EPHA3: variants seen among roughly 807,000 people sequenced by gnomAD.
EPHA3 encodes the protein ephrin type-A receptor 3.
EPHA3 carries 42 observed loss-of-function variants against 107.1 expected under a neutral mutation model. The observed-to-expected ratio is 0.39, with a 90% CI of 0.31 to 0.51. The LOEUF is 0.51. EPHA3 is among the 20% of genes least tolerant of loss of function. The pLI, the probability that EPHA3 is intolerant of heterozygous loss-of-function variation, is 0.78. For synonymous variants in EPHA3, 461 were observed against 424.8 expected, an observed-to-expected ratio of 1.09 and a Z score of -1.05; for missense variants, 1,183 against 1,211.2, an observed-to-expected ratio of 0.98 and a Z score of 0.35.
Position 89,406,287 on chromosome 3 carries a change from T to C in EPHA3, c.1595-982T>C, listed in dbSNP as rs148994574. On this transcript the variant is annotated intron_variant, in intron 7 of 16. Coordinates refer to ENST00000336596, the MANE Select transcript of EPHA3 (RefSeq NM_005233.6). ...ACTGCCTGTGTGTTCATAAGAAATA[T>C]ACAATCTCATTCCCCACTCCGGAAT... Among the ~76,000 whole-genome samples the C allele has an allele frequency of 6.6e-5, 10 of 152,146 alleles. No individual in the cohort carries two copies. In the East Asian group the frequency reaches 1.7e-3, roughly 27 times the overall value.
intron 3 of EPHA3, among the ~76,000 whole-genome samples, chr3:89,269,035 C>T (rs1444214121): frequency 6.6e-6 from 1 of 152,024 alleles, no homozygotes; most frequent in Non-Finnish European, 1.5e-5. Flanking sequence ...TATGGCATTA[C>T]TACTTTTACT....
intron 3 of EPHA3, among the ~76,000 whole-genome samples, chr3:89,319,834 G>A (rs1319836021): frequency 6.6e-6 from 1 of 151,870 alleles, no homozygotes; most frequent in African/African-American, 2.4e-5. Context: ...AGAGGCTCAT[G>A]GTGTAACAGC....
intron 5 of EPHA3, among the ~76,000 whole-genome samples, chr3:89,377,134 TC>T (rs1369155289): frequency 3.3e-5 from 5 of 152,096 alleles, no homozygotes; most frequent in Admixed American, 3.3e-4. Context: ...GATTGTTTTT[TC>T]TTATCTGATT....
At chr3:89,182,342 A>G (rs1189145940) in intron 2 of EPHA3, among the ~76,000 whole-genome samples, 1 of 151,948 alleles carries the variant, frequency 6.6e-6, no homozygotes, top group Non-Finnish European at 1.5e-5. Flanking sequence ...TACAGTACAG[A>G]AAATATGGCT....
intron 3 of EPHA3, among the ~76,000 whole-genome samples, chr3:89,335,416 T>G (rs9817553): frequency 0.47 from 71,779 of 151,998 alleles, 17,337 homozygotes; most frequent in African/African-American, 0.55. Flanking sequence ...CAACATATTG[T>G]TCATTAGATT....
chr3:89,431,316 C>T lies in EPHA3; in HGVS notation c.2303C>T (p.Ser768Leu), dbSNP rs1446890859. The T allele has an allele frequency of 2.5e-6, 4 of 1,613,564 alleles. No individual in the cohort carries two copies. The highest frequency in any genetic ancestry group is 1.7e-4 in the Middle Eastern group (1 of 6,054). ...LVCKVSDFGL[S>L]RVLEDDPEAA... Reference sequence around the variant, plus strand: ...TGTAAGGTTTCTGATTTCGGACTTTCGCGTGTCCTGGAGGATGACCCAGAA... The same window carrying T: ...TGTAAGGTTTCTGATTTCGGACTTTTGCGTGTCCTGGAGGATGACCCAGAA... The change falls in exon 13 of 17, where the codon TCG (serine) becomes TTG (leucine). Residue 768 changes from serine (S) to leucine (L), a missense_variant. Ser to Leu is a moderately radical substitution (Grantham distance 145, BLOSUM62 -2). Transcript: ENST00000336596.
At chr3:89,246,639 A>G (rs185874797) in intron 3 of EPHA3, among the ~76,000 whole-genome samples, 1 of 152,288 alleles carries the variant, frequency 6.6e-6, no homozygotes, top group Admixed American at 6.5e-5. Context: ...GAATATATCG[A>G]ATATCAATTG....
intron 3 of EPHA3, among the ~76,000 whole-genome samples, chr3:89,252,431 C>A (rs532244264): frequency 6.6e-6 from 1 of 152,256 alleles, no homozygotes; most frequent in South Asian, 2.1e-4. Flanking sequence ...CTAGTTGCTT[C>A]TTCAGCATTT....
intron 2 of EPHA3, among the ~76,000 whole-genome samples, chr3:89,145,781 G>A (rs1017941899): frequency 1.7e-4 from 26 of 151,350 alleles, no homozygotes; most frequent in Non-Finnish European, 3.1e-4. Flanking sequence ...TCTCAAGTGT[G>A]TCTAGAATCG....
intron 5 of EPHA3, among the ~76,000 whole-genome samples, chr3:89,371,971 C>A (rs1372225602): frequency 6.6e-6 from 1 of 150,962 alleles, no homozygotes; most frequent in Non-Finnish European, 1.5e-5. Context: ...GATTAACTTC[C>A]AGCCTAGGGA....
chr3:89,264,578 A>T (rs1056824290), intron 3 of EPHA3, among the ~76,000 whole-genome samples: 1 of 152,118 alleles, frequency 6.6e-6, no homozygotes, highest in Non-Finnish European at 1.5e-5. Flanking sequence ...GTTCATTCTT[A>T]TCTTTGCTTA....
At position 89,300,472 on chromosome 3, in the gene EPHA3, CACAA is replaced by C. The variant is rs369754094; in HGVS notation, c.815-40440_815-40437del. On this transcript the variant is annotated intron_variant, in intron 3 of 16. Transcript: ENST00000336596. ...CACAACACAGACATACAAATAAACA[CACAA>C]ACACACACACAAACTAATAAGCAGA... Among the ~76,000 whole-genome samples, 23 of 151,898 alleles carry C rather than the reference CACAA, an allele frequency of 1.5e-4. No individual in the cohort carries two copies. The South Asian group carries it at 2.9e-3, about 19-fold the overall frequency.
intron 11 of EPHA3, among the ~76,000 whole-genome samples, chr3:89,424,702 T>C (rs1576371079): frequency 1.3e-5 from 2 of 151,360 alleles, no homozygotes; most frequent in African/African-American, 4.8e-5. Flanking sequence ...AACAAAACTT[T>C]TTATGAAATC....
chr3:89,279,018 T>A (rs998678662), intron 3 of EPHA3, among the ~76,000 whole-genome samples: 1 of 152,180 alleles, frequency 6.6e-6, no homozygotes, highest in African/African-American at 2.4e-5. Flanking sequence ...GTGTATATAG[T>A]GTTTTTTTCC....
intron 1 of EPHA3, among the ~76,000 whole-genome samples, chr3:89,124,639 G>A (rs1704052359): frequency 6.6e-6 from 1 of 151,884 alleles, no homozygotes; most frequent in Admixed American, 6.6e-5. Flanking sequence ...TAATATTAAT[G>A]TATTAAATTT....
At chr3:89,186,791 T>C (rs756010130) in intron 2 of EPHA3, among the ~76,000 whole-genome samples, 3 of 152,112 alleles carry the variant, frequency 2.0e-5, no homozygotes, top group Non-Finnish European at 4.4e-5. Flanking sequence ...GGGAATTCTA[T>C]AGGAAATTCC....
At chr3:89,273,547 A>C (rs932644302) in intron 3 of EPHA3, among the ~76,000 whole-genome samples, 4 of 151,878 alleles carry the variant, frequency 2.6e-5, no homozygotes, top group African/African-American at 9.7e-5. Context: ...ATATGCCAAG[A>C]GTGAGAAGAT....
chr3:89,316,788 G>A (rs1559644476), intron 3 of EPHA3, among the ~76,000 whole-genome samples: 2 of 151,388 alleles, frequency 1.3e-5, no homozygotes, highest in Admixed American at 1.3e-4. Context: ...TTGCACGGAA[G>A]TATCAGTTGT....
chr3:89,268,524 T>G (rs1036924903), intron 3 of EPHA3, among the ~76,000 whole-genome samples: 21 of 152,106 alleles, frequency 1.4e-4, no homozygotes, highest in Admixed American at 1.1e-3. Context: ...GTGGTCTATC[T>G]GGTTTTCATG....
Sources: gnomAD v4.1 joint callset for allele counts (sites outside exome capture counted in the v4.1 genomes callset) on GRCh38, gnomAD v4.1.1 for gene constraint, MANE v1.5 for transcripts, NCBI Gene and HGNC (gene_info 2026-07-23, HGNC 2026-07-21) for gene names.